NUGGC: variants seen among roughly 807,000 people sequenced by gnomAD.
The protein encoded by NUGGC is nuclear GTPase SLIP-GC.
A neutral mutation model predicts 92.6 loss-of-function variants in NUGGC; 58 were observed. The ratio of observed to expected loss-of-function variants is 0.63; its 90% CI spans 0.51 to 0.78. The LOEUF is 0.78. Ranked by LOEUF, NUGGC falls within the 30% of genes least tolerant of loss-of-function variation. The pLI is 0.00. For missense variants in NUGGC, 925 were observed against 964.6 expected, an observed-to-expected ratio of 0.96 and a Z score of 0.54; for synonymous variants, 376 against 366.4, an observed-to-expected ratio of 1.03 and a Z score of -0.30.
rs371009227 is a variant in NUGGC, at chr8:28,073,178, C to T, written c.43+1190G>A. Among the ~76,000 whole-genome samples, 34 of 132,830 alleles carry T rather than the reference C, an allele frequency of 2.6e-4. 1 individual carries two copies. The highest frequency in any genetic ancestry group is 3.8e-3 in the Middle Eastern group (1 of 266). 87.1% of individuals were successfully genotyped at this position (132,830 alleles called of 152,430 possible). ...CACCACGCCTGGCTAATTTTTTTTT[C>T]TTTTTTTTTTTTTTTCCAGTGATGA... is the stretch of plus-strand genomic sequence containing the variant. On this transcript the variant is annotated intron_variant, in intron 2 of 18. Transcript: ENST00000413272.
At chr8:28,029,500 G>C in intron 16 of NUGGC, 98 bp from the exon 17 acceptor site, 1 of 1,406,478 alleles carries the variant, frequency 7.1e-7, no homozygotes, top group Non-Finnish European at 9.7e-7. Flanking sequence ...TGTAATCCCA[G>C]CGCTTTGGGA....
chr8:28,069,537 G>A lies in NUGGC; in HGVS notation c.257+7C>T. ...TAAAATTTCAGGGTTGCAGATTTCAGACTCACATGAGATACTTGACTCCAT... is the reference window on the plus strand; with the variant it reads ...TAAAATTTCAGGGTTGCAGATTTCAAACTCACATGAGATACTTGACTCCAT... On this transcript the variant is annotated splice_region_variant and intron_variant, in intron 4 of 18. Coordinates refer to ENST00000413272, the MANE Select transcript of NUGGC (RefSeq NM_001010906.2). 7.0e-7 allele frequency: 1 copy of A among 1,429,188 alleles called. No individual in the cohort carries two copies. Among genetic ancestry groups the A allele is most frequent in the Non-Finnish European group, 9.8e-7 (1 of 1,016,668 alleles). 88.5% of individuals were successfully genotyped at this position (1,429,188 alleles called of 1,614,324 possible). A position where few individuals can be genotyped will look rare whatever the true frequency, so the allele number is the denominator to read the frequency against.
rs759992385 is a variant in NUGGC, at chr8:28,067,725, T to A, written c.500A>T (p.Lys167Met). 1.2e-5 allele frequency: 20 copies of A among 1,613,548 alleles called. No individual in the cohort carries two copies. The South Asian group carries it at 2.1e-4, about 17-fold the overall frequency. Reference sequence around the variant, plus strand: ...CCTATGCAGGAGTTTGGTCAGGTTCTTCAGCTCCTCCCTCCACTCCTGCCA... The same window carrying A: ...CCTATGCAGGAGTTTGGTCAGGTTCATCAGCTCCTCCCTCCACTCCTGCCA... ...LSDQEWREEL[K>M]NLTKLLHRTE... The change falls in exon 6 of 19, where the codon AAG becomes ATG. Residue 167 changes from lysine (K) to methionine (M), a missense_variant. Physicochemically the swap from Lys to Met is moderately conservative, Grantham distance 95. Coordinates refer to ENST00000413272, the MANE Select transcript of NUGGC (RefSeq NM_001010906.2).
intron 2 of NUGGC, 125 bp downstream of exon 2, chr8:28,074,243 A>G (rs1810664353): frequency 2.8e-6 from 2 of 708,788 alleles, no homozygotes; most frequent in Non-Finnish European, 2.6e-6. Context: ...ACGAGAAAGC[A>G]CCTTCTGAAT....
chr8:28,041,353 A>G (rs1391443051), intron 12 of NUGGC, 138 bp from the exon 13 acceptor site: 1 of 821,694 alleles, frequency 1.2e-6, no homozygotes, highest in Admixed American at 2.6e-5. Flanking sequence ...TATTGTCCCC[A>G]TAAGACCTCA....
At chr8:28,025,972 G>T (rs935127268) in intron 18 of NUGGC, among the ~76,000 whole-genome samples, 2 of 152,094 alleles carry the variant, frequency 1.3e-5, no homozygotes, top group African/African-American at 2.4e-5. Context: ...AGATTTTTAT[G>T]CACATACAAA....
chr8:28,044,712 C>G (rs1809783766), intron 12 of NUGGC, among the ~76,000 whole-genome samples: 1 of 152,216 alleles, frequency 6.6e-6, no homozygotes, highest in Non-Finnish European at 1.5e-5. Flanking sequence ...GACTTACAGA[C>G]AGAAGGCTTC....
At chr8:28,074,949 A>G (rs183128288) in intron 1 of NUGGC, among the ~76,000 whole-genome samples, 51 of 152,260 alleles carry the variant, frequency 3.3e-4, no homozygotes, top group African/African-American at 1.1e-3. Context: ...GAGAAAAAAA[A>G]AGAGTCTAAA....
intron 1 of NUGGC, among the ~76,000 whole-genome samples, chr8:28,082,458 T>C (rs1231534460): frequency 6.6e-6 from 1 of 152,244 alleles, no homozygotes; most frequent in South Asian, 2.1e-4. Flanking sequence ...TATCAGGAAT[T>C]CATACACCTG....
At chr8:28,034,770 T>C (rs772062362) in intron 13 of NUGGC, among the ~76,000 whole-genome samples, 2 of 151,970 alleles carry the variant, frequency 1.3e-5, no homozygotes, top group Non-Finnish European at 2.9e-5. Flanking sequence ...TGAGCCGAGA[T>C]CGCAGCACTG....
At chr8:28,080,240 C>A (rs1810817756) in intron 1 of NUGGC, among the ~76,000 whole-genome samples, 3 of 151,944 alleles carry the variant, frequency 2.0e-5, no homozygotes, top group Non-Finnish European at 2.9e-5. Context: ...CCATGCCCAA[C>A]CTTACTGCCT....
chr8:28,050,622 C>A (rs918059065), intron 10 of NUGGC, among the ~76,000 whole-genome samples: 1 of 151,792 alleles, frequency 6.6e-6, no homozygotes, highest in South Asian at 2.1e-4. Context: ...ACCAGCCTGG[C>A]CAATATGGTG....
rs1240951783 is a variant in NUGGC at position 28,033,616 on chromosome 8, C to T, written c.1693G>A (p.Ala565Thr). 1 of 1,613,838 alleles carries T rather than the reference C, an allele frequency of 6.2e-7. No homozygotes were observed. The highest frequency in any genetic ancestry group is 1.3e-5 in the African/African-American group (1 of 74,928). ...KNGIYASRTL[A>T]RIDLNEALTQ... The stretch of plus-strand genomic sequence containing the variant: ...AGGGCTTCATTTAGATCAATTCTCG[C>T]CAGAGTCCTGGAGGCATAGATGCCA... Residue 565 changes from alanine (A) to threonine (T), a missense_variant, in exon 14 of 19, where the codon GCG becomes ACG. Physicochemically the swap from Ala to Thr is moderately conservative, Grantham distance 58. Transcript: ENST00000413272.
rs1809276278 is a variant in NUGGC, at chr8:28,026,863, C to T, written c.2245+99G>A. On this transcript the variant is annotated intron_variant, in intron 18 of 18. Transcript: ENST00000413272. ...CTTCCTAACTTCCTAACTTAAATTCCTAAAATTTAAAGTTTAATACCTTTA... is the reference window on the plus strand; with the variant it reads ...CTTCCTAACTTCCTAACTTAAATTCTTAAAATTTAAAGTTTAATACCTTTA... The T allele has an allele frequency of 1.5e-5, 13 of 838,816 alleles. No individual in the cohort carries two copies. The South Asian group carries it at 1.6e-4, about 11-fold the overall frequency. 52.0% of individuals were successfully genotyped at this position (838,816 alleles called of 1,614,324 possible). A position where few individuals can be genotyped will look rare whatever the true frequency, so the allele number is the denominator to read the frequency against.
At chr8:28,024,268 C>T (rs940028427) in intron 18 of NUGGC, among the ~76,000 whole-genome samples, 2 of 145,260 alleles carry the variant, frequency 1.4e-5, no homozygotes, top group Admixed American at 7.1e-5. Flanking sequence ...TGGTCTCGAA[C>T]TCTTGACCTC....
At chr8:28,029,222 G>A (rs560247922) in intron 17 of NUGGC, 44 bp downstream of exon 17, 20 of 1,578,218 alleles carry the variant, frequency 1.3e-5, no homozygotes, top group East Asian at 4.6e-5. Flanking sequence ...CTCCTCCCCC[G>A]GAGCCTCTCG....
chr8:28,061,816 G>A (rs894542333), intron 7 of NUGGC, among the ~76,000 whole-genome samples: 15 of 152,084 alleles, frequency 9.9e-5, no homozygotes, highest in African/African-American at 3.4e-4. Flanking sequence ...TAAAGGCCGA[G>A]GATGCAGCTA....
In NUGGC at chr8:28,031,345, G is replaced by A; in HGVS notation, c.1806C>T (p.His602=). The A allele has an allele frequency of 6.2e-7, 1 of 1,613,998 alleles. No homozygotes were observed. The highest frequency in any genetic ancestry group is 8.5e-7 in the Non-Finnish European group (1 of 1,179,852). ...GKPTGSALMP[H]IDAFKQSLQE... Reference sequence around the variant, plus strand: ...GCAGGGACTGCTTAAAAGCATCTATGTGAGGCATCAGAGCTGAACCAGTGG... The same window carrying A: ...GCAGGGACTGCTTAAAAGCATCTATATGAGGCATCAGAGCTGAACCAGTGG... Residue 602 remains histidine (H), a synonymous_variant, in exon 15 of 19, where the codon CAC becomes CAT. Transcript: ENST00000413272.
Position 28,025,603 on chromosome 8 carries a change from T to C in NUGGC, c.2245+1359A>G, listed in dbSNP as rs568503883. Among the ~76,000 whole-genome samples the C allele has an allele frequency of 2.2e-4, 33 of 150,686 alleles. No homozygotes were observed. In the South Asian group the frequency reaches 7.1e-3, roughly 32 times the overall value. Reference sequence around the variant, plus strand: ...AAGGTCATGAGAGTCCAGTACATTATAGTGTGAGGGTGTTGTATCTCCTTC... The same window carrying C: ...AAGGTCATGAGAGTCCAGTACATTACAGTGTGAGGGTGTTGTATCTCCTTC... On this transcript the variant is annotated intron_variant, in intron 18 of 18. Coordinates refer to ENST00000413272, the MANE Select transcript of NUGGC (RefSeq NM_001010906.2).
Sources: gnomAD v4.1 joint callset for allele counts (sites outside exome capture counted in the v4.1 genomes callset) on GRCh38, gnomAD v4.1.1 for gene constraint, MANE v1.5 for transcripts, NCBI Gene and HGNC (gene_info 2026-07-23, HGNC 2026-07-21) for gene names.